Variants in PTPRM observed in about 807,000 individuals in gnomAD.
PTPRM encodes receptor-type tyrosine-protein phosphatase mu.
Under a neutral mutation model 186.7 loss-of-function variants are expected in PTPRM, and 47 were observed. That is an observed-to-expected ratio of 0.25 (90% CI 0.20 to 0.32). The LOEUF (loss-of-function observed/expected upper bound fraction) is 0.32. Ranked by LOEUF, PTPRM falls within the 10% of genes least tolerant of loss-of-function variation. The probability of loss-of-function intolerance (pLI) is 1.00; values close to 1 mark genes in which losing one functional copy is unlikely to be tolerated. For synonymous variants in PTPRM, 668 were observed against 674.9 expected, an observed-to-expected ratio of 0.99 and a Z score of 0.16; for missense variants, 1,494 against 1,865.0, an observed-to-expected ratio of 0.80 and a Z score of 3.66.
intron 19 of PTPRM, among the ~76,000 whole-genome samples, chr18:8,272,823 T>C (rs1430732563): frequency 6.6e-6 from 1 of 152,168 alleles, no homozygotes; most frequent in Non-Finnish European, 1.5e-5. Context: ...TTAATTTTTG[T>C]CTATTTAATC....
intron 1 of PTPRM, among the ~76,000 whole-genome samples, chr18:7,750,526 T>G (rs1205717328): frequency 6.6e-6 from 1 of 152,178 alleles, no homozygotes; most frequent in Non-Finnish European, 1.5e-5. Context: ...CAGAATGACT[T>G]TTTACTGGCT....
At chr18:8,241,227 A>G (rs778296123) in intron 14 of PTPRM, among the ~76,000 whole-genome samples, 1 of 152,274 alleles carries the variant, frequency 6.6e-6, no homozygotes, top group African/African-American at 2.4e-5. Context: ...AGTCTCAACT[A>G]CTTGTTAGGC....
At chr18:8,005,340 A>G (rs1341769128) in intron 7 of PTPRM, among the ~76,000 whole-genome samples, 1 of 152,194 alleles carries the variant, frequency 6.6e-6, no homozygotes, top group Non-Finnish European at 1.5e-5. Context: ...TCTTTATCCT[A>G]TTAAAAAACA....
intron 7 of PTPRM, among the ~76,000 whole-genome samples, chr18:7,984,867 A>T (rs868599666): frequency 2.3e-5 from 3 of 132,492 alleles, no homozygotes; most frequent in Non-Finnish European, 4.6e-5. Flanking sequence ...ACATATATAA[A>T]TATATACATA....
intron 2 of PTPRM, among the ~76,000 whole-genome samples, chr18:7,835,647 C>G (rs9944547): frequency 0.66 from 99,890 of 151,908 alleles, 33,365 homozygotes; most frequent in East Asian, 0.96. Flanking sequence ...TTTCTGTCAA[C>G]AAATACTGAA....
At chr18:8,118,435 C>T (rs1042138207) in intron 13 of PTPRM, among the ~76,000 whole-genome samples, 10 of 152,130 alleles carry the variant, frequency 6.6e-5, no homozygotes, top group Non-Finnish European at 1.5e-4. Flanking sequence ...CAACCCATGG[C>T]CCTTGGGCCA....
intron 11 of PTPRM, among the ~76,000 whole-genome samples, chr18:8,091,655 A>G (rs1444977449): frequency 2.6e-5 from 4 of 152,016 alleles, no homozygotes; most frequent in Non-Finnish European, 5.9e-5. Context: ...GGACAACATA[A>G]TTGGACTGAT....
chr18:8,045,189 A>G (rs2148204570), intron 7 of PTPRM, among the ~76,000 whole-genome samples: 1 of 152,252 alleles, frequency 6.6e-6, no homozygotes, highest in Admixed American at 6.5e-5. Flanking sequence ...TCTAATAAAA[A>G]ATACAAAAAT....
intron 1 of PTPRM, among the ~76,000 whole-genome samples, chr18:7,712,667 G>A (rs1450976880): frequency 1.3e-5 from 2 of 152,002 alleles, no homozygotes; most frequent in South Asian, 2.1e-4. Context: ...GTTTAGAGAA[G>A]AACATAAATG....
chr18:7,945,464 CAA>C (rs36069757), intron 5 of PTPRM, among the ~76,000 whole-genome samples: 1 of 144,258 alleles, frequency 6.9e-6, no homozygotes, highest in Non-Finnish European at 1.5e-5. Flanking sequence ...GACTCCATCT[CAA>C]AAAAAAAAAG....
At chr18:7,987,382 A>G (rs998407366) in intron 7 of PTPRM, among the ~76,000 whole-genome samples, 4 of 152,244 alleles carry the variant, frequency 2.6e-5, no homozygotes, top group East Asian at 3.8e-4. Flanking sequence ...TTTATTATCT[A>G]TAATTGTTTT....
intron 22 of PTPRM, among the ~76,000 whole-genome samples, chr18:8,334,789 G>A (rs1328669873): frequency 6.6e-6 from 1 of 152,158 alleles, no homozygotes; most frequent in African/African-American, 2.4e-5. Context: ...ACTGGCGTCT[G>A]TCCAGAACAT....
chr18:7,617,567 A>G (rs1465234052), intron 1 of PTPRM, among the ~76,000 whole-genome samples: 2 of 152,178 alleles, frequency 1.3e-5, no homozygotes, highest in Non-Finnish European at 2.9e-5. Flanking sequence ...GGGAAAAAAC[A>G]TAGTTTTCCA....
chr18:7,842,912 G>A (rs930376032), intron 2 of PTPRM, among the ~76,000 whole-genome samples: 5 of 70,350 alleles, frequency 7.1e-5, no homozygotes, highest in Non-Finnish European at 9.9e-5. Flanking sequence ...TTTCTCATAT[G>A]TGTGTGTGTG....
At chr18:7,648,478 G>A (rs142024835) in intron 1 of PTPRM, among the ~76,000 whole-genome samples, 1 of 152,328 alleles carries the variant, frequency 6.6e-6, no homozygotes, top group Non-Finnish European at 1.5e-5. Context: ...CAGAAAGCTA[G>A]GTCTCTTGTG....
At chr18:7,795,857 C>G (rs1341965444) in intron 2 of PTPRM, among the ~76,000 whole-genome samples, 3 of 147,230 alleles carry the variant, frequency 2.0e-5, no homozygotes, top group Non-Finnish European at 4.5e-5. Context: ...TTCTGTCACC[C>G]AGGCTGAAAT....
At chr18:8,287,482 T>C (rs1290440972) in intron 19 of PTPRM, among the ~76,000 whole-genome samples, 1 of 152,040 alleles carries the variant, frequency 6.6e-6, no homozygotes, top group African/African-American at 2.4e-5. Context: ...AACTGGAGGG[T>C]GGCAAAGAGA....
intron 2 of PTPRM, among the ~76,000 whole-genome samples, chr18:7,800,982 C>A (rs1041813554): frequency 4.6e-5 from 7 of 151,934 alleles, no homozygotes; most frequent in African/African-American, 1.5e-4. Flanking sequence ...ATGAATGGAG[C>A]TTGCAGGATT....
At chr18:8,171,563 G>C (rs902602612) in intron 14 of PTPRM, among the ~76,000 whole-genome samples, 4 of 152,150 alleles carry the variant, frequency 2.6e-5, no homozygotes, top group African/African-American at 9.7e-5. Context: ...TGGCAGTTTG[G>C]GGGTAAATGT....
Sources: gnomAD v4.1 joint callset for allele counts (sites outside exome capture counted in the v4.1 genomes callset) on GRCh38, gnomAD v4.1.1 for gene constraint, MANE v1.5 for transcripts, NCBI Gene and HGNC (gene_info 2026-07-23, HGNC 2026-07-21) for gene names.